The following FHIT variants were observed in gnomAD, a reference collection of about 807,000 sequenced individuals.
The protein encoded by FHIT is bis(5'-adenosyl)-triphosphatase.
Under a neutral mutation model 17.9 loss-of-function variants are expected in FHIT, and 19 were observed. The observed-to-expected ratio is 1.06, with a 90% CI of 0.74 to 1.56. The LOEUF (loss-of-function observed/expected upper bound fraction) is 1.56, where lower values mean the gene tolerates loss of function less well. Among genes scored for constraint, FHIT ranks in the 40% most tolerant of loss-of-function variants. FHIT has a pLI of 0.00. For missense variants in FHIT, 248 were observed against 189.2 expected, an observed-to-expected ratio of 1.31 and a Z score of -1.82; for synonymous variants, 81 against 69.7, an observed-to-expected ratio of 1.16 and a Z score of -0.81.
chr3:60,723,174 T>A (rs1296026914), intron 4 of FHIT, among the ~76,000 whole-genome samples: 1 of 152,204 alleles, frequency 6.6e-6, no homozygotes, highest in Admixed American at 6.5e-5. Flanking sequence ...TGAATCCTCC[T>A]CCTAACACCT....
At chr3:60,402,559 C>T (rs1360479654) in intron 5 of FHIT, among the ~76,000 whole-genome samples, 1 of 152,166 alleles carries the variant, frequency 6.6e-6, no homozygotes, top group Non-Finnish European at 1.5e-5. Context: ...TTCATTTTCA[C>T]AAGTGATTCA....
chr3:61,015,597 G>A (rs1192234598), intron 3 of FHIT, among the ~76,000 whole-genome samples: 1 of 152,102 alleles, frequency 6.6e-6, no homozygotes, highest in African/African-American at 2.4e-5. Flanking sequence ...TCAGCACTCT[G>A]GAACTTGGTT....
intron 8 of FHIT, among the ~76,000 whole-genome samples, chr3:59,859,611 C>A (rs927992472): frequency 3.9e-5 from 6 of 152,072 alleles, no homozygotes; most frequent in African/African-American, 1.4e-4. Context: ...CCCAGCTACT[C>A]CAGAGGCTGA....
chr3:59,888,025 G>A (rs1216105752), intron 8 of FHIT, among the ~76,000 whole-genome samples: 1 of 152,096 alleles, frequency 6.6e-6, no homozygotes, highest in Non-Finnish European at 1.5e-5. Flanking sequence ...TTTTTCTTGG[G>A]TCTGCTCAGA....
At chr3:60,096,475 G>T (rs1428618527) in intron 5 of FHIT, among the ~76,000 whole-genome samples, 2 of 152,172 alleles carry the variant, frequency 1.3e-5, no homozygotes, top group African/African-American at 4.8e-5. Flanking sequence ...TTCTCACTCT[G>T]GGTCGCAGGT....
intron 5 of FHIT, among the ~76,000 whole-genome samples, chr3:60,156,857 C>G (rs955046966): frequency 6.6e-6 from 1 of 152,068 alleles, no homozygotes; most frequent in East Asian, 1.9e-4. Context: ...ACTCTGTCCT[C>G]TTGGCAACAA....
At chr3:59,934,928 C>G (rs1157885428) in intron 7 of FHIT, among the ~76,000 whole-genome samples, 3 of 152,032 alleles carry the variant, frequency 2.0e-5, no homozygotes, top group African/African-American at 7.2e-5. Context: ...CGGATGCAGC[C>G]AAACCATGTC....
chr3:59,795,924 C>T (rs781729297), intron 8 of FHIT, among the ~76,000 whole-genome samples: 1 of 152,130 alleles, frequency 6.6e-6, no homozygotes, highest in Non-Finnish European at 1.5e-5. Flanking sequence ...TGATGGAACA[C>T]ACAATGAACT....
At chr3:60,602,320 T>G (rs2038469813) in intron 4 of FHIT, among the ~76,000 whole-genome samples, 1 of 152,172 alleles carries the variant, frequency 6.6e-6, no homozygotes, top group Admixed American at 6.5e-5. Context: ...AAAATCAGCC[T>G]GGCCTCACAC....
At chr3:60,097,024 T>TATAA (rs1553683533) in intron 5 of FHIT, among the ~76,000 whole-genome samples, 17 of 127,232 alleles carry the variant, frequency 1.3e-4, no homozygotes, top group Admixed American at 4.3e-4. Context: ...CTGTTATTAT[T>TATAA]AAAAAAAAAA....
intron 8 of FHIT, among the ~76,000 whole-genome samples, chr3:59,839,909 C>T (rs1475043297): frequency 6.6e-6 from 1 of 152,204 alleles, no homozygotes; most frequent in Non-Finnish European, 1.5e-5. Context: ...GACAAGGTCC[C>T]TCAAGGGAGA....
chr3:61,097,157 G>T (rs1478363205), intron 2 of FHIT, among the ~76,000 whole-genome samples: 3 of 151,834 alleles, frequency 2.0e-5, no homozygotes, highest in Non-Finnish European at 4.4e-5. Flanking sequence ...ACCTCCCAGC[G>T]TGAGCGATGC....
chr3:60,333,639 T>A (rs1201502845), intron 5 of FHIT, among the ~76,000 whole-genome samples: 1 of 152,246 alleles, frequency 6.6e-6, no homozygotes, highest in Non-Finnish European at 1.5e-5. Context: ...TACATACTTT[T>A]AAAATATCTG....
intron 2 of FHIT, among the ~76,000 whole-genome samples, chr3:61,134,509 A>G (rs986361411): frequency 6.6e-6 from 1 of 152,168 alleles, no homozygotes; most frequent in African/African-American, 2.4e-5. Context: ...TCTGACTTCA[A>G]AAAGCTATGA....
At chr3:60,588,158 A>C (rs1673189206) in intron 4 of FHIT, among the ~76,000 whole-genome samples, 1 of 152,016 alleles carries the variant, frequency 6.6e-6, no homozygotes, top group South Asian at 2.1e-4. Context: ...ATTATGCATA[A>C]TAATCTGGGT....
At chr3:60,733,694 A>G (rs1169283689) in intron 4 of FHIT, among the ~76,000 whole-genome samples, 1 of 152,164 alleles carries the variant, frequency 6.6e-6, no homozygotes, top group Non-Finnish European at 1.5e-5. Context: ...AGCCTTTAGT[A>G]TGTATGCTCT....
intron 4 of FHIT, among the ~76,000 whole-genome samples, chr3:60,693,688 C>T (rs2041045671): frequency 6.6e-6 from 1 of 152,210 alleles, no homozygotes; most frequent in South Asian, 2.1e-4. Context: ...AGCCAGTACT[C>T]TTCACTTGAC....
intron 5 of FHIT, among the ~76,000 whole-genome samples, chr3:60,423,049 T>C (rs1165428957): frequency 1.3e-5 from 2 of 152,168 alleles, no homozygotes; most frequent in Admixed American, 1.3e-4. Context: ...CAGAATATGG[T>C]TATAGAAGTT....
intron 4 of FHIT, among the ~76,000 whole-genome samples, chr3:60,663,024 C>A (rs1227065447): frequency 6.6e-6 from 1 of 150,866 alleles, no homozygotes; most frequent in African/African-American, 2.4e-5. Context: ...GCATCTTTGT[C>A]AAAAATCATT....
Sources: allele counts gnomAD v4.1 joint callset (sites outside exome capture counted in the v4.1 genomes callset), GRCh38; gene constraint gnomAD v4.1.1; transcripts MANE v1.5; gene names NCBI Gene and HGNC (gene_info 2026-07-23, HGNC 2026-07-21).